The following RNF169 variants were observed in gnomAD, a reference collection of about 807,000 sequenced individuals.
RNF169 encodes ring finger protein 169, also known as E3 ubiquitin-protein ligase RNF169.
In RNF169, 24 loss-of-function variants were observed where a neutral mutation model predicts 53.9. The ratio of observed to expected loss-of-function variants is 0.45; its 90% CI spans 0.32 to 0.63. RNF169 has a LOEUF of 0.63. RNF169 is among the 20% of genes least tolerant of loss of function. The pLI, the probability that RNF169 is intolerant of heterozygous loss-of-function variation, is 0.04. For synonymous variants in RNF169, 396 were observed against 363.5 expected, an observed-to-expected ratio of 1.09 and a Z score of -1.02; for missense variants, 883 against 906.2, an observed-to-expected ratio of 0.97 and a Z score of 0.33.
chr11:74,771,798 A>G (rs536168998), intron 1 of RNF169, among the ~76,000 whole-genome samples: 44 of 152,212 alleles, frequency 2.9e-4, no homozygotes, highest in African/African-American at 1.0e-3. Context: ...CATGCCTATG[A>G]TCCCAATACT....
At chr11:74,786,930 T>G (rs538246327) in intron 1 of RNF169, among the ~76,000 whole-genome samples, 146 of 152,352 alleles carry the variant, frequency 9.6e-4, no homozygotes, top group African/African-American at 3.2e-3. Flanking sequence ...TCTCCAACAG[T>G]AAGTGAAAAT....
intron 1 of RNF169, among the ~76,000 whole-genome samples, chr11:74,782,625 C>G (rs946010601): frequency 6.6e-6 from 1 of 152,176 alleles, no homozygotes; most frequent in Non-Finnish European, 1.5e-5. Context: ...TGGATGGCCC[C>G]TTATGGCATG....
At chr11:74,804,080 G>A (rs1565181438) in intron 2 of RNF169, among the ~76,000 whole-genome samples, 1 of 152,146 alleles carries the variant, frequency 6.6e-6, no homozygotes, top group Non-Finnish European at 1.5e-5. Flanking sequence ...GAGTTTGCAC[G>A]TTCTCCCCAT....
intron 4 of RNF169, among the ~76,000 whole-genome samples, chr11:74,825,155 ATTC>A (rs144033916): frequency 0.045 from 6,832 of 152,274 alleles, 227 homozygotes; most frequent in East Asian, 0.15. Flanking sequence ...AACAAGAAGA[ATTC>A]TTCTCAAGTG....
At chr11:74,751,947 C>A (rs963206300) in intron 1 of RNF169, among the ~76,000 whole-genome samples, 2 of 151,746 alleles carry the variant, frequency 1.3e-5, no homozygotes, top group East Asian at 3.9e-4. Context: ...GAAAAGATTC[C>A]CTTTGGCCAG....
chr11:74,799,706 T>C (rs2035703830), intron 2 of RNF169, among the ~76,000 whole-genome samples: 1 of 152,100 alleles, frequency 6.6e-6, no homozygotes, highest in South Asian at 2.1e-4. Context: ...TGTTAAAATA[T>C]GTAATGAGTG....
chr11:74,797,420 A>C (rs1439633204), intron 2 of RNF169, among the ~76,000 whole-genome samples: 1 of 152,190 alleles, frequency 6.6e-6, no homozygotes, highest in Non-Finnish European at 1.5e-5. Context: ...TTTATCTAGA[A>C]AGTTTAAAAT....
chr11:74,821,892 A>G (rs1310708103), intron 4 of RNF169, among the ~76,000 whole-genome samples: 2 of 152,212 alleles, frequency 1.3e-5, no homozygotes, highest in African/African-American at 4.8e-5. Flanking sequence ...CTAAAAAAAT[A>G]AAAAGAATAC....
intron 1 of RNF169, among the ~76,000 whole-genome samples, chr11:74,770,669 T>C (rs1185314966): frequency 1.3e-5 from 2 of 152,250 alleles, no homozygotes; most frequent in Non-Finnish European, 2.9e-5. Context: ...GTGTTTTCAT[T>C]AGATAAATGA....
In RNF169 at chr11:74,835,729, T is replaced by C; in HGVS notation, c.1126T>C (p.Ser376Pro). The change falls in exon 6 of 6, where the codon TCC becomes CCC. Residue 376 changes from serine to proline, a missense_variant. Physicochemically the swap from Ser to Pro is moderately conservative, Grantham distance 74. Around this residue, in one of 3 missense-constraint regions of RNF169, gnomAD observed 219 missense variants for 289.1 expected, o/e 0.76. Coordinates refer to ENST00000299563, the MANE Select transcript of RNF169 (RefSeq NM_001098638.2). ...SVSPESNDSI[S>P]EELNHFKPIV... ...CAGCCCTGAGAGCAATGACAGCATC[T>C]CCGAAGAACTAAACCATTTCAAGCC... 6.2e-7 allele frequency: 1 copy of C among 1,614,138 alleles called. No individual in the cohort carries two copies. The highest frequency in any genetic ancestry group is 8.5e-7 in the Non-Finnish European group (1 of 1,180,012).
At chr11:74,820,526 C>CA (rs145788679) in intron 4 of RNF169, among the ~76,000 whole-genome samples, 1,684 of 151,942 alleles carry the variant, frequency 0.011, 33 homozygotes, top group African/African-American at 0.037. Context: ...GGGGAATAGT[C>CA]AAACAGTGGC....
intron 3 of RNF169, among the ~76,000 whole-genome samples, chr11:74,812,012 A>T (rs959731292): frequency 2.6e-5 from 4 of 152,190 alleles, no homozygotes; most frequent in African/African-American, 4.8e-5. Flanking sequence ...CTGACCCTTA[A>T]CTATGGTCCT....
intron 4 of RNF169, among the ~76,000 whole-genome samples, chr11:74,818,425 C>T (rs530056726): frequency 4.6e-5 from 7 of 152,234 alleles, no homozygotes; most frequent in African/African-American, 1.4e-4. Context: ...CAGTGTCTCA[C>T]TCTGTTGTCC....
chr11:74,825,365 A>T (rs2036079486), intron 4 of RNF169, among the ~76,000 whole-genome samples: 1 of 152,228 alleles, frequency 6.6e-6, no homozygotes, highest in Admixed American at 6.5e-5. Flanking sequence ...GCCAAAGAAG[A>T]AGTCACAAGA....
intron 1 of RNF169, among the ~76,000 whole-genome samples, chr11:74,751,850 G>A (rs755788686): frequency 2.6e-5 from 4 of 152,150 alleles, no homozygotes; most frequent in African/African-American, 4.8e-5. Context: ...TGATCCTCTT[G>A]TAGTTATATA....
At chr11:74,791,190 C>T (rs894594588) in intron 2 of RNF169, among the ~76,000 whole-genome samples, 4 of 152,196 alleles carry the variant, frequency 2.6e-5, no homozygotes, top group Non-Finnish European at 5.9e-5. Context: ...AGCTCCCCTA[C>T]ACAGGCAGGT....
intron 1 of RNF169, among the ~76,000 whole-genome samples, chr11:74,768,598 C>G (rs2035210740): frequency 6.8e-6 from 1 of 146,344 alleles, no homozygotes; most frequent in Non-Finnish European, 1.5e-5. Flanking sequence ...CAGAGCTAGA[C>G]TCTGTCTTAA....
chr11:74,820,912 G>A (rs2036000668), intron 4 of RNF169, among the ~76,000 whole-genome samples: 1 of 145,168 alleles, frequency 6.9e-6, no homozygotes, highest in African/African-American at 2.5e-5. Context: ...TGAGTTCTTA[G>A]CATACCTCAT....
At chr11:74,781,075 A>G (rs905443249) in intron 1 of RNF169, among the ~76,000 whole-genome samples, 3 of 152,228 alleles carry the variant, frequency 2.0e-5, no homozygotes, top group South Asian at 4.1e-4. Context: ...AGCTACTGAA[A>G]AGCAAGGCAG....
Sources: allele counts gnomAD v4.1 joint callset (sites outside exome capture counted in the v4.1 genomes callset), GRCh38; gene constraint gnomAD v4.1.1; regional missense constraint gnomAD v4.1.1; transcripts MANE v1.5; gene names NCBI Gene and HGNC (gene_info 2026-07-23, HGNC 2026-07-21).